The following PTPRT variants were observed in gnomAD, a reference collection of about 807,000 sequenced individuals.
PTPRT encodes the protein protein tyrosine phosphatase receptor type T.
In PTPRT, 56 loss-of-function variants were observed where a neutral mutation model predicts 176.8. The ratio of observed to expected loss-of-function variants is 0.32; its 90% CI spans 0.26 to 0.40. PTPRT has a LOEUF of 0.40. Ranked by LOEUF, PTPRT falls within the 10% of genes least tolerant of loss-of-function variation. PTPRT has a pLI of 1.00. For missense variants in PTPRT, 1,540 were observed against 1,908.2 expected, an observed-to-expected ratio of 0.81 and a Z score of 3.60; for synonymous variants, 783 against 739.0, an observed-to-expected ratio of 1.06 and a Z score of -0.96.
At chr20:42,325,164 T>C (rs563247643) in intron 11 of PTPRT, among the ~76,000 whole-genome samples, 1 of 152,176 alleles carries the variant, frequency 6.6e-6, no homozygotes, top group African/African-American at 2.4e-5. Context: ...GGAAGGATTC[T>C]GGGAAGGAAG....
rs139572172 is a variant in PTPRT, at chr20:42,853,169, G to A, written c.214+32638C>T. Among the ~76,000 whole-genome samples, 205 of 152,228 alleles carry A rather than the reference G, an allele frequency of 1.3e-3. 1 individual carries two copies. The highest frequency in any genetic ancestry group is 4.8e-3 in the African/African-American group (201 of 41,532). Reference sequence around the variant, plus strand: ...ATGTGGCTTGGCCCTGAGTATTTTGGTCTCATTCAGGAATCACCATCTTAA... The same window carrying A: ...ATGTGGCTTGGCCCTGAGTATTTTGATCTCATTCAGGAATCACCATCTTAA... On this transcript the variant is annotated intron_variant, in intron 2 of 30. Coordinates refer to ENST00000373187, the MANE Select transcript of PTPRT (RefSeq NM_007050.6).
At chr20:42,694,439 A>T (rs1346020422) in intron 6 of PTPRT, among the ~76,000 whole-genome samples, 1 of 152,164 alleles carries the variant, frequency 6.6e-6, no homozygotes, top group Non-Finnish European at 1.5e-5. Context: ...AATGTTGTTT[A>T]ACCATTCTCC....
At chr20:42,914,006 G>A (rs1387660205) in intron 1 of PTPRT, among the ~76,000 whole-genome samples, 1 of 152,106 alleles carries the variant, frequency 6.6e-6, no homozygotes, top group South Asian at 2.1e-4. Context: ...AAATCCTATT[G>A]TAGCATGGTA....
chr20:42,095,580 C>T (rs1985121990), intron 27 of PTPRT, among the ~76,000 whole-genome samples: 1 of 152,250 alleles, frequency 6.6e-6, no homozygotes, highest in Non-Finnish European at 1.5e-5. Context: ...ATTGCAATGA[C>T]ATTCTATGTC....
intron 1 of PTPRT, among the ~76,000 whole-genome samples, chr20:43,163,498 C>G (rs1236040647): frequency 6.6e-6 from 1 of 152,036 alleles, no homozygotes; most frequent in Non-Finnish European, 1.5e-5. Context: ...ATTAGCCAGG[C>G]GTGGTGGTGG....
chr20:42,043,374 A>G, the PTPRT span, among the ~76,000 whole-genome samples: 1 of 152,212 alleles, frequency 6.6e-6, no homozygotes, highest in South Asian at 2.1e-4. Context: ...CCTGATGGAT[A>G]TATAGGAAGA....
intron 13 of PTPRT, among the ~76,000 whole-genome samples, chr20:42,257,820 T>C (rs776422200): frequency 2.6e-5 from 4 of 151,936 alleles, no homozygotes; most frequent in Non-Finnish European, 5.9e-5. Context: ...CTTTTCTTTA[T>C]AAATTACCCA....
At position 42,345,561 on chromosome 20, in the gene PTPRT, CATAT is replaced by C. The variant is rs200784403; in HGVS notation, c.1865+5063_1865+5066del. Among the ~76,000 whole-genome samples, 18 of 128,890 alleles carry C rather than the reference CATAT, an allele frequency of 1.4e-4. No homozygotes were observed. The South Asian group carries it at 4.9e-3, about 35-fold the overall frequency. The allele number at this position is 128,890 out of a possible 152,430, so 84.6% of individuals were successfully genotyped here. ...AAACTAGTTACTATACACACACACA[CATAT>C]ATATACATACATATATATGTGTGTG... On this transcript the variant is annotated intron_variant, in intron 11 of 30. Transcript: ENST00000373187.
chr20:42,075,852 GC>G lies in PTPRT; in HGVS notation c.*5026del, dbSNP rs1568898974. 1 of 204,540 alleles carries G rather than the reference GC, an allele frequency of 4.9e-6. No individual in the cohort carries two copies. Among genetic ancestry groups the G allele is most frequent in the African/African-American group, 2.3e-5 (1 of 43,708 alleles). 12.7% of individuals were successfully genotyped at this position (204,540 alleles called of 1,614,324 possible). On this transcript the variant is annotated 3_prime_UTR_variant, in exon 31 of 31. Transcript: ENST00000373187. ...GTCAGAGGGAAATGCATCATCTTTT[GC>G]CCCAGACACTGAGATTTGCCCTTGT...
In PTPRT at chr20:42,578,903, G is replaced by T. The variant is rs1201628490; in HGVS notation, c.1153+98963C>A. On this transcript the variant is annotated intron_variant, in intron 7 of 30. Transcript: ENST00000373187. ...TGAGTCTTGCAAGTTTTTTTTTTTT[G>T]GGGGGGGGTCGGTTTTTATTATACT... Among the ~76,000 whole-genome samples, 138 of 101,922 alleles carry T rather than the reference G, an allele frequency of 1.4e-3. 2 individuals are homozygous for T. The highest frequency in any genetic ancestry group is 5.9e-3 in the African/African-American group (111 of 18,874). 66.9% of individuals were successfully genotyped at this position (101,922 alleles called of 152,430 possible). A position where few individuals can be genotyped will look rare whatever the true frequency, so the allele number is the denominator to read the frequency against.
intron 6 of PTPRT, among the ~76,000 whole-genome samples, chr20:42,722,733 A>G (rs946110815): frequency 1.3e-5 from 2 of 152,218 alleles, no homozygotes; most frequent in African/African-American, 4.8e-5. Context: ...AGGCACATGC[A>G]GCTCACGTGG....
chr20:42,389,279 A>G lies in PTPRT; in HGVS notation c.1561-36994T>C, dbSNP rs1357993592. ...ATCCTAGAACTTAAAGTATAAAAAA[A>G]AAAAGAAACGTGATATAGGGTCTTA... On this transcript the variant is annotated intron_variant, in intron 9 of 30. Coordinates refer to ENST00000373187, the MANE Select transcript of PTPRT (RefSeq NM_007050.6). 3.3e-5 allele frequency among the ~76,000 whole-genome samples: 5 copies of G among 152,230 alleles called. No homozygotes were observed. In the East Asian group the frequency reaches 9.6e-4, roughly 29 times the overall value.
At chr20:42,613,634 G>A (rs1322723557) in intron 7 of PTPRT, among the ~76,000 whole-genome samples, 5 of 152,186 alleles carry the variant, frequency 3.3e-5, no homozygotes, top group African/African-American at 1.2e-4. Context: ...AGACCTGGAG[G>A]CTAAGATTAC....
chr20:43,129,018 C>A (rs563153602), intron 1 of PTPRT, among the ~76,000 whole-genome samples: 14 of 152,334 alleles, frequency 9.2e-5, no homozygotes, highest in African/African-American at 2.9e-4. Flanking sequence ...GCCTACAAAG[C>A]TATAAGCTCC....
chr20:42,369,736 A>C (rs1331614461), intron 9 of PTPRT, among the ~76,000 whole-genome samples: 4 of 152,152 alleles, frequency 2.6e-5, no homozygotes, highest in African/African-American at 9.7e-5. Context: ...AGGAAGCAAG[A>C]AGCAGAGACA....
At chr20:42,236,327 A>T (rs773425665) in intron 14 of PTPRT, 69 bp from the exon 15 acceptor site, 2 of 1,274,574 alleles carry the variant, frequency 1.6e-6, no homozygotes, top group Non-Finnish European at 2.3e-6. Flanking sequence ...ACAAACAAAC[A>T]AGAATTAGAT....
chr20:42,196,598 G>A (rs530317037), intron 16 of PTPRT, among the ~76,000 whole-genome samples: 4 of 152,248 alleles, frequency 2.6e-5, no homozygotes, highest in Admixed American at 2.6e-4. Context: ...TTGCAACAGA[G>A]GTTGGTTTAC....
intron 19 of PTPRT, among the ~76,000 whole-genome samples, chr20:42,127,787 C>T (rs1031567954): frequency 1.3e-5 from 2 of 152,186 alleles, no homozygotes; most frequent in Non-Finnish European, 2.9e-5. Flanking sequence ...CTTCTTGGCT[C>T]CTGTTTGAGT....
chr20:42,601,730 A>T (rs1392823906), intron 7 of PTPRT, among the ~76,000 whole-genome samples: 6 of 152,208 alleles, frequency 3.9e-5, no homozygotes, highest in African/African-American at 1.4e-4. Flanking sequence ...TAATGAATAC[A>T]TCTCAATAAA....
Sources: allele counts gnomAD v4.1 joint callset (sites outside exome capture counted in the v4.1 genomes callset), GRCh38; gene constraint gnomAD v4.1.1; transcripts MANE v1.5; gene names NCBI Gene and HGNC (gene_info 2026-07-23, HGNC 2026-07-21).